Variants in TNK2 observed in about 807,000 individuals in gnomAD.
The protein encoded by TNK2 is tyrosine kinase non receptor 2, also known as activated CDC42 kinase 1.
A neutral mutation model predicts 101.8 loss-of-function variants in TNK2; 83 were observed. That is an observed-to-expected ratio of 0.82 (90% CI 0.68 to 0.98). The LOEUF is 0.98. Ranked by LOEUF, TNK2 falls within the 50% of genes least tolerant of loss-of-function variation. The pLI is 0.00. For synonymous variants in TNK2, 804 were observed against 633.0 expected (o/e 1.27, Z -4.06); for missense variants, 1,665 against 1,483.2 (o/e 1.12, Z -2.01).
chr3:195,867,166 T>A lies in TNK2; in HGVS notation c.3033+3A>T. ...AGCCAGAGTGAGCAGGAGGTGGCGGTACCTTCAGATACTGGGCAGCCCTCT... is the reference window on the plus strand; with the variant it reads ...AGCCAGAGTGAGCAGGAGGTGGCGGAACCTTCAGATACTGGGCAGCCCTCT... On this transcript the variant is annotated splice_donor_region_variant and intron_variant, in intron 14 of 15. Transcript: ENST00000672887. The A allele has an allele frequency of 6.2e-7, 1 of 1,612,382 alleles. No homozygotes were observed. The highest frequency in any genetic ancestry group is 1.1e-5 in the South Asian group (1 of 91,034).
chr3:195,907,519 G>T (rs1761862161), intron 1 of TNK2, among the ~76,000 whole-genome samples: 1 of 152,218 alleles, frequency 6.6e-6, no homozygotes, highest in African/African-American at 2.4e-5. Flanking sequence ...CCACCCAGGG[G>T]CAGGGGAAGC....
rs12491124 is a variant in TNK2 at position 195,894,836 on chromosome 3, C to T, written c.-18-6230G>A. 5,666 of 163,048 alleles carry T rather than the reference C, an allele frequency of 0.035. 614 individuals carry two copies. In the East Asian group the frequency reaches 0.39, roughly 11 times the overall value. 10.1% of individuals were successfully genotyped at this position (163,048 alleles called of 1,614,324 possible). On this transcript the variant is annotated intron_variant, in intron 1 of 15. Transcript: ENST00000672887. ...CTCTCCAAGGGGAAGGGAAGCTACC[C>T]CATCCATCAACACCGTGACCATATT...
chr3:195,904,819 A>G (rs1474696924), intron 1 of TNK2, among the ~76,000 whole-genome samples: 1 of 152,228 alleles, frequency 6.6e-6, no homozygotes, highest in Non-Finnish European at 1.5e-5. Context: ...GATATACCAA[A>G]AACTACAAAA....
At position 195,902,272 on chromosome 3, in the gene TNK2, G is replaced by C. The variant is rs537265409; in HGVS notation, c.-19+6213C>G. Among the ~76,000 whole-genome samples, 13 of 152,284 alleles carry C rather than the reference G, an allele frequency of 8.5e-5. No homozygotes were observed. The South Asian group carries it at 2.7e-3, about 32-fold the overall frequency. ...CCCGGAAACCTCTGGAAGAAGAGGT[G>C]AGTGTCAGAAGGGCAATGCTAAAAT... On this transcript the variant is annotated intron_variant, in intron 1 of 15. Coordinates refer to ENST00000672887, the MANE Select transcript of TNK2 (RefSeq NM_001382273.1).
At chr3:195,879,427 A>G (rs1173706364) in intron 6 of TNK2, 2 of 405,194 alleles carry the variant, frequency 4.9e-6, no homozygotes, top group Non-Finnish European at 9.0e-6. Context: ...GAAGTTTCCC[A>G]GCCAGAGAAG....
intron 10 of TNK2, among the ~76,000 whole-genome samples, chr3:195,872,031 G>GGGGGCC (rs1745805164): frequency 1.4e-5 from 2 of 145,522 alleles, no homozygotes; most frequent in East Asian, 3.9e-4. Context: ...CCCTCCCCTG[G>GGGGGCC]AGAACCCTCC....
At chr3:195,897,412 C>G (rs1760722433) in intron 1 of TNK2, among the ~76,000 whole-genome samples, 1 of 152,246 alleles carries the variant, frequency 6.6e-6, no homozygotes, top group South Asian at 2.1e-4. Flanking sequence ...CCCAGGGGGG[C>G]CTGGCAGCTG....
At chr3:195,869,778 G>A (rs533852791) in intron 11 of TNK2, 29 of 596,908 alleles carry the variant, frequency 4.9e-5, no homozygotes, top group Admixed American at 1.8e-4. Context: ...AGGCAGAGCC[G>A]GAGCCGTGGG....
chr3:195,891,617 C>T (rs1035834410), intron 1 of TNK2, among the ~76,000 whole-genome samples: 3 of 152,116 alleles, frequency 2.0e-5, no homozygotes, highest in Admixed American at 6.5e-5. Flanking sequence ...CCTCTCCACC[C>T]GGCCACGGCC....
chr3:195,903,319 C>T (rs865962904), intron 1 of TNK2, among the ~76,000 whole-genome samples: 2 of 151,742 alleles, frequency 1.3e-5, no homozygotes, highest in African/African-American at 2.4e-5. Context: ...GGATTACAGG[C>T]GTGAGCCACC....
At chr3:195,879,830 G>A (rs1192401008) in intron 6 of TNK2, among the ~76,000 whole-genome samples, 1 of 152,004 alleles carries the variant, frequency 6.6e-6, no homozygotes, top group Non-Finnish European at 1.5e-5. Flanking sequence ...GATCGCTAAG[G>A]TTCATTATCC....
Position 195,884,921 on chromosome 3 carries a change from C to A in TNK2, c.347G>T (p.Ser116Ile), listed in dbSNP as rs776926100. Residue 116 changes from serine to isoleucine, a missense_variant, in exon 4 of 16, where the codon AGC (serine) becomes ATC (isoleucine). Around this residue, in one of 3 missense-constraint regions of TNK2, gnomAD observed 490 missense variants for 522.5 expected, o/e 0.94. Coordinates refer to ENST00000672887, the MANE Select transcript of TNK2 (RefSeq NM_001382273.1). ...GGPAGEGPLQ[S>I]LTCLIGEKDL... ...CTTCTCCCCAATGAGGCAGGTGAGGCTCTGCAGGGGCCCCTCCCCTGCTGG... is the reference window on the plus strand; with the variant it reads ...CTTCTCCCCAATGAGGCAGGTGAGGATCTGCAGGGGCCCCTCCCCTGCTGG... 1 of 1,614,104 alleles carries A rather than the reference C, an allele frequency of 6.2e-7. No homozygotes were observed. The highest frequency in any genetic ancestry group is 8.5e-7 in the Non-Finnish European group (1 of 1,180,014).
At position 195,868,548 on chromosome 3, in the gene TNK2, T is replaced by C; in HGVS notation, c.1750A>G (p.Thr584Ala). 1.9e-6 allele frequency: 3 copies of C among 1,570,762 alleles called. No individual in the cohort carries two copies. The highest frequency in any genetic ancestry group is 2.6e-6 in the Non-Finnish European group (3 of 1,166,894). Reference sequence around the variant, plus strand: ...GGCTCCTCACCGAAGTCGATGAGCGTGACCTCAGCCCCGCTGCCTCGGCTG... The same window carrying C: ...GGCTCCTCACCGAAGTCGATGAGCGCGACCTCAGCCCCGCTGCCTCGGCTG... The part of the protein sequence containing the change: ...KASRGSGAEV[T>A]LIDFGEEPVV... Residue 584 changes from threonine (T) to alanine (A), a missense_variant, in exon 13 of 16, where the codon ACG becomes GCG. Thr to Ala is a moderately conservative substitution (Grantham distance 58). Coordinates refer to ENST00000672887, the MANE Select transcript of TNK2 (RefSeq NM_001382273.1).
chr3:195,896,128 G>T (rs1337308937), intron 1 of TNK2: 1 of 455,394 alleles, frequency 2.2e-6, no homozygotes, highest in African/African-American at 2.0e-5. Flanking sequence ...CCACGCGGGG[G>T]TGCCGCGCCC....
Position 195,867,373 on chromosome 3 carries a change from G to C in TNK2, c.2925C>G (p.Asp975Glu). The C allele has an allele frequency of 3.1e-6, 5 of 1,606,336 alleles. No individual in the cohort carries two copies. Among genetic ancestry groups the C allele is most frequent in the Non-Finnish European group, 3.4e-6 (4 of 1,177,572 alleles). Residue 975 changes from aspartate to glutamate, a missense_variant, in exon 13 of 16, where the codon GAC becomes GAG. Asp to Glu is a conservative substitution (Grantham distance 45). Around this residue, in one of 3 missense-constraint regions of TNK2, gnomAD observed 1,136 missense variants for 894.9 expected, o/e 1.27. Transcript: ENST00000672887. Reference protein sequence around the residue: ...GDGPEAGRPADKIQMLQAMVH... With the variant: ...GDGPEAGRPAEKIQMLQAMVH... Reference sequence around the variant, plus strand: ...GCTGGGTGCTCACCATCTGGATCTTGTCTGCTGGCCGGCCCGCCTCTGGCC... The same window carrying C: ...GCTGGGTGCTCACCATCTGGATCTTCTCTGCTGGCCGGCCCGCCTCTGGCC...
chr3:195,892,424 C>T (rs577418985), intron 1 of TNK2: 65 of 1,535,326 alleles, frequency 4.2e-5, no homozygotes, highest in South Asian at 2.5e-4. Context: ...GTACAGGCGT[C>T]GCCGCAGTCT....
At position 195,885,321 on chromosome 3, in the gene TNK2, G is replaced by A; in HGVS notation, c.235-288C>T. 7.3e-7 allele frequency: 1 copy of A among 1,379,160 alleles called. No homozygotes were observed. Among genetic ancestry groups the A allele is most frequent in the African/African-American group, 1.4e-5 (1 of 69,114 alleles). The allele number at this position is 1,379,160 out of a possible 1,614,324, so 85.4% of individuals were successfully genotyped here. A position where few individuals can be genotyped will look rare whatever the true frequency, so the allele number is the denominator to read the frequency against. ...CCCCACACCCAGCTGTGTGGAGAGG[G>A]AGGGCACCGCCCAGCCAAGGTCGGA... is the stretch of plus-strand genomic sequence containing the variant. On this transcript the variant is annotated intron_variant, in intron 3 of 15. Transcript: ENST00000672887. This position sits in a 1 kb window ranked among gnomAD's most constrained non-coding sequence, Gnocchi z 4.7.
Position 195,878,924 on chromosome 3 carries a change from G to A in TNK2, c.1014+125C>T. 1 of 1,443,976 alleles carries A rather than the reference G, an allele frequency of 6.9e-7. No individual in the cohort carries two copies. The highest frequency in any genetic ancestry group is 9.4e-7 in the Non-Finnish European group (1 of 1,064,858). 89.4% of individuals were successfully genotyped at this position (1,443,976 alleles called of 1,614,324 possible). ...GCGTGGTGGGAGGCACGGGAAGTGG[G>A]GGGAGGCACGGGGCGTGGGAGGAGG... On this transcript the variant is annotated intron_variant, in intron 7 of 15. Coordinates refer to ENST00000672887, the MANE Select transcript of TNK2 (RefSeq NM_001382273.1). This position sits in a 1 kb window ranked among gnomAD's most constrained non-coding sequence, Gnocchi z 4.7.
At position 195,885,712 on chromosome 3, in the gene TNK2, G is replaced by A. The variant is rs1755315861; in HGVS notation, c.235-679C>T. On this transcript the variant is annotated intron_variant, in intron 3 of 15. Coordinates refer to ENST00000672887, the MANE Select transcript of TNK2 (RefSeq NM_001382273.1). The surrounding 1 kb of genome is among the most constrained non-coding windows in gnomAD (Gnocchi z 4.7). ...AAGGAAAAGTGGAGGAGACTCGGAGGCCAGGGTGGACAGGGAGGAGCCGAA... is the reference window on the plus strand; with the variant it reads ...AAGGAAAAGTGGAGGAGACTCGGAGACCAGGGTGGACAGGGAGGAGCCGAA... 1.5e-6 allele frequency: 1 copy of A among 646,018 alleles called. No individual in the cohort carries two copies. Among genetic ancestry groups the A allele is most frequent in the Admixed American group, 2.7e-5 (1 of 36,414 alleles). 40.0% of individuals were successfully genotyped at this position (646,018 alleles called of 1,614,324 possible).
Sources: gnomAD v4.1 joint callset for allele counts (sites outside exome capture counted in the v4.1 genomes callset) on GRCh38, gnomAD v4.1.1 for gene constraint, gnomAD v4.1.1 regional missense constraint, Gnocchi (gnomAD v3.1) non-coding constraint, MANE v1.5 for transcripts, NCBI Gene and HGNC (gene_info 2026-07-23, HGNC 2026-07-21) for gene names.